SHTN1: variants seen among roughly 807,000 people sequenced by gnomAD.
SHTN1 encodes the protein shootin-1.
Under a neutral mutation model 83.1 loss-of-function variants are expected in SHTN1, and 42 were observed. That is an observed-to-expected ratio of 0.51 (90% CI 0.39 to 0.65). SHTN1 has a LOEUF of 0.65. Among genes scored for constraint, SHTN1 ranks in the 30% least tolerant of loss-of-function variants. The probability of loss-of-function intolerance (pLI) is 0.00; values close to 1 mark genes in which losing one functional copy is unlikely to be tolerated. For synonymous variants in SHTN1, 224 were observed against 247.7 expected, an observed-to-expected ratio of 0.90 and a Z score of 0.90; for missense variants, 622 against 737.8, an observed-to-expected ratio of 0.84 and a Z score of 1.82.
At chr10:117,071,646 G>C (rs1264409700) in intron 1 of SHTN1, among the ~76,000 whole-genome samples, 1 of 152,110 alleles carries the variant, frequency 6.6e-6, no homozygotes, top group Non-Finnish European at 1.5e-5. Context: ...ATCAGGGCTG[G>C]GCTTTTGGGG....
chr10:116,894,967 CTT>C (rs1847465518), intron 16 of SHTN1, among the ~76,000 whole-genome samples: 1 of 152,164 alleles, frequency 6.6e-6, no homozygotes, highest in South Asian at 2.1e-4. Flanking sequence ...TCCTGCCTCT[CTT>C]TATAATAAAA....
At chr10:117,103,790 C>A (rs994959513) in intron 1 of SHTN1, among the ~76,000 whole-genome samples, 1 of 152,120 alleles carries the variant, frequency 6.6e-6, no homozygotes, top group African/African-American at 2.4e-5. Context: ...CCCTCCTTGG[C>A]CTCCCAAAGT....
At chr10:117,041,609 A>G (rs1018978302) in intron 2 of SHTN1, among the ~76,000 whole-genome samples, 9 of 152,044 alleles carry the variant, frequency 5.9e-5, no homozygotes, top group African/African-American at 1.7e-4. Context: ...TAATATTCTC[A>G]CCCTTTGTCT....
At chr10:116,995,858 C>T (rs532477393) in intron 1 of SHTN1, among the ~76,000 whole-genome samples, 4 of 152,190 alleles carry the variant, frequency 2.6e-5, no homozygotes, top group African/African-American at 9.6e-5. Context: ...AGAATGTCAC[C>T]TTCCTGACAG....
chr10:116,945,921 C>A (rs1243206884), intron 7 of SHTN1, among the ~76,000 whole-genome samples: 3 of 152,050 alleles, frequency 2.0e-5, no homozygotes, highest in African/African-American at 7.2e-5. Flanking sequence ...CACAGCTATG[C>A]CTGTCCACAT....
At chr10:117,011,990 A>G (rs1198925997) in intron 2 of SHTN1, among the ~76,000 whole-genome samples, 1 of 151,928 alleles carries the variant, frequency 6.6e-6, no homozygotes, top group African/African-American at 2.4e-5. Context: ...AATACAAAAA[A>G]TTAGCCAGGC....
At chr10:117,065,549 C>T (rs1199344852) in intron 1 of SHTN1, among the ~76,000 whole-genome samples, 1 of 151,086 alleles carries the variant, frequency 6.6e-6, no homozygotes, top group Non-Finnish European at 1.5e-5. Context: ...GAAACCCCCT[C>T]TCTACCAAAA....
intron 2 of SHTN1, among the ~76,000 whole-genome samples, chr10:117,046,405 AG>A (rs1837748980): frequency 6.6e-6 from 1 of 152,228 alleles, no homozygotes; most frequent in Admixed American, 6.5e-5. Flanking sequence ...AGAAATTGGA[AG>A]CATCATACAT....
chr10:116,900,896 G>A (rs1041844942), intron 16 of SHTN1: 7 of 985,236 alleles, frequency 7.1e-6, no homozygotes, highest in Non-Finnish European at 8.4e-6. Flanking sequence ...GAATGCAAGA[G>A]AGGAAGAAAA....
At chr10:116,982,508 C>T (rs1197936943) in intron 1 of SHTN1, among the ~76,000 whole-genome samples, 1 of 152,206 alleles carries the variant, frequency 6.6e-6, no homozygotes, top group Non-Finnish European at 1.5e-5. Flanking sequence ...ATCTATATTA[C>T]TCAGCTCCTT....
At chr10:117,019,202 CTTTG>C (rs554492444) in intron 2 of SHTN1, among the ~76,000 whole-genome samples, 151 of 145,064 alleles carry the variant, frequency 1.0e-3, no homozygotes, top group African/African-American at 3.7e-3. Context: ...TTTTTTTTTT[CTTTG>C]AGACTAGATC....
intron 16 of SHTN1, among the ~76,000 whole-genome samples, chr10:116,896,172 C>A (rs1847511145): frequency 1.3e-5 from 2 of 152,088 alleles, no homozygotes; most frequent in Non-Finnish European, 2.9e-5. Flanking sequence ...CCCGAAAATG[C>A]TTTTTTCCTT....
At chr10:116,963,928 C>A (rs1303547382) in intron 3 of SHTN1, among the ~76,000 whole-genome samples, 1 of 150,098 alleles carries the variant, frequency 6.7e-6, no homozygotes, top group Non-Finnish European at 1.5e-5. Context: ...TCAAAGCAGT[C>A]TTACATAAAT....
At chr10:116,889,841 T>A (rs544974391) in intron 16 of SHTN1, among the ~76,000 whole-genome samples, 1 of 152,336 alleles carries the variant, frequency 6.6e-6, no homozygotes, top group East Asian at 1.9e-4. Flanking sequence ...TATCCCTTAG[T>A]TTTAATTTTT....
chr10:117,040,840 A>C (rs1852573132), intron 2 of SHTN1, among the ~76,000 whole-genome samples: 1 of 152,128 alleles, frequency 6.6e-6, no homozygotes. Flanking sequence ...ATAGTTTAAC[A>C]AACATGATTC....
At chr10:117,115,352 G>A (rs1853831480) in intron 1 of SHTN1, among the ~76,000 whole-genome samples, 1 of 151,938 alleles carries the variant, frequency 6.6e-6, no homozygotes, top group African/African-American at 2.4e-5. Flanking sequence ...ACAAGTGTCT[G>A]GCCCATAGAA....
intron 2 of SHTN1, among the ~76,000 whole-genome samples, chr10:117,013,084 A>AT (rs890232068): frequency 7.2e-5 from 11 of 152,192 alleles, no homozygotes; most frequent in African/African-American, 2.4e-4. Flanking sequence ...AACTATATAA[A>AT]TTTTTTTAAA....
At chr10:117,067,677 G>T (rs1263600537) in intron 1 of SHTN1, among the ~76,000 whole-genome samples, 3 of 152,126 alleles carry the variant, frequency 2.0e-5, no homozygotes, top group African/African-American at 7.2e-5. Flanking sequence ...AGAAGATCTG[G>T]AGGAGGAAGG....
At chr10:117,000,914 T>C (rs1249228204) in intron 1 of SHTN1, among the ~76,000 whole-genome samples, 1 of 152,232 alleles carries the variant, frequency 6.6e-6, no homozygotes, top group African/African-American at 2.4e-5. Flanking sequence ...ATCTCTCTGA[T>C]GCCTAGCACA....
Sources: allele counts gnomAD v4.1 joint callset (sites outside exome capture counted in the v4.1 genomes callset), GRCh38; gene constraint gnomAD v4.1.1; transcripts MANE v1.5; gene names NCBI Gene and HGNC (gene_info 2026-07-23, HGNC 2026-07-21).